IQCH: variants seen among roughly 807,000 people sequenced by gnomAD.
IQCH encodes the protein IQ domain-containing protein H.
A neutral mutation model predicts 117.0 loss-of-function variants in IQCH; 98 were observed. The ratio of observed to expected loss-of-function variants is 0.84; its 90% confidence interval spans 0.71 to 0.99. The LOEUF is 0.99. IQCH is among the 50% of genes least tolerant of loss of function. The pLI is 0.00. For missense variants in IQCH, 1,102 were observed against 1,243.8 expected, an observed-to-expected ratio of 0.89 and a Z score of 1.72; for synonymous variants, 412 against 448.2, an observed-to-expected ratio of 0.92 and a Z score of 1.02.
chr15:67,334,745 C>A (rs777906206), intron 4 of IQCH, among the ~76,000 whole-genome samples: 1 of 152,160 alleles, frequency 6.6e-6, no homozygotes, highest in African/African-American at 2.4e-5. Context: ...GGCTGAGAGT[C>A]GCTGCAAAGC....
Position 67,400,244 on chromosome 15 carries a change from A to G in IQCH, c.2036A>G (p.Lys679Arg), listed in dbSNP as rs2140866524. 6.2e-7 allele frequency: 1 copy of G among 1,613,736 alleles called. No individual in the cohort carries two copies. Among genetic ancestry groups the G allele is most frequent in the East Asian group, 2.2e-5 (1 of 44,814 alleles). Residue 679 changes from lysine to arginine, a missense_variant, in exon 14 of 21, where the codon AAA (lysine) becomes AGA (arginine). Physicochemically the swap from Lys to Arg is conservative, Grantham distance 26. This residue lies in a region of IQCH where 650 missense variants were observed against 794.3 expected (regional missense o/e 0.82). Transcript: ENST00000335894. ...CDIPSYLKCY[K>R]WVLKESSRYG... ...ATTCCTTCCTACCTAAAGTGCTACA[A>G]ATGGGTGCTAAAGGAGAGTAGCAGA...
At chr15:67,344,216 C>A in intron 6 of IQCH, 25 bp downstream of exon 6, 1 of 1,606,240 alleles carries the variant, frequency 6.2e-7, no homozygotes, top group South Asian at 1.1e-5. Flanking sequence ...CATCTCAGTT[C>A]AGTTGGGGAC....
chr15:67,372,232 G>A lies in IQCH; in HGVS notation c.875G>A (p.Ser292Asn). Reference sequence around the variant, plus strand: ...TTCTTAGCATTCAAGGAACATTTTAGCTTAGCTTGGGGAGGTATTTTTTCT... The same window carrying A: ...TTCTTAGCATTCAAGGAACATTTTAACTTAGCTTGGGGAGGTATTTTTTCT... ...PDFLAFKEHF[S>N]LAWGGIFSLL... The change falls in exon 9 of 21, where the codon AGC becomes AAC. Residue 292 changes from serine to asparagine, a missense_variant. Ser to Asn is a conservative substitution (Grantham distance 46, BLOSUM62 1). Around this residue, in one of 2 missense-constraint regions of IQCH, gnomAD observed 452 missense variants for 449.6 expected, o/e 1.01. Transcript: ENST00000335894. 6.2e-7 allele frequency: 1 copy of A among 1,614,034 alleles called. No individual in the cohort carries two copies. Among genetic ancestry groups the A allele is most frequent in the Non-Finnish European group, 8.5e-7 (1 of 1,179,980 alleles).
intron 6 of IQCH, among the ~76,000 whole-genome samples, chr15:67,345,403 C>T (rs138418712): frequency 5.3e-5 from 8 of 152,182 alleles, no homozygotes; most frequent in East Asian, 3.9e-4. Flanking sequence ...AAATAGAGTA[C>T]GGAAAGAAGA....
chr15:67,442,817 G>GAGATAGATAGATAGATAGAT (rs201394285), intron 16 of IQCH, among the ~76,000 whole-genome samples: 7 of 138,174 alleles, frequency 5.1e-5, no homozygotes, highest in Admixed American at 2.2e-4. Flanking sequence ...AAGAAACTGT[G>GAGATAGATAGATAGATAGAT]AGATAGATAG....
intron 4 of IQCH, among the ~76,000 whole-genome samples, chr15:67,285,599 T>G (rs1481590119): frequency 6.6e-6 from 1 of 152,184 alleles, no homozygotes; most frequent in Non-Finnish European, 1.5e-5. Context: ...TACATTTAAG[T>G]CTTTAATCCA....
chr15:67,363,880 A>G (rs1970238715), intron 8 of IQCH, among the ~76,000 whole-genome samples: 1 of 152,240 alleles, frequency 6.6e-6, no homozygotes, highest in Non-Finnish European at 1.5e-5. Flanking sequence ...TTCAAATAAC[A>G]TGACCTCTTT....
intron 8 of IQCH, among the ~76,000 whole-genome samples, chr15:67,367,049 A>G (rs567356099): frequency 6.6e-6 from 1 of 152,254 alleles, no homozygotes; most frequent in East Asian, 1.9e-4. Flanking sequence ...GGCGTAGGGT[A>G]TCAAAATTAG....
Position 67,391,024 on chromosome 15 carries a change from G to C in IQCH, c.1632+2018G>C, listed in dbSNP as rs972351165. 6.6e-6 allele frequency among the ~76,000 whole-genome samples: 1 copy of C among 152,092 alleles called. No individual in the cohort carries two copies. Among genetic ancestry groups the C allele is most frequent in the East Asian group, 1.9e-4 (1 of 5,186 alleles). On this transcript the variant is annotated intron_variant, in intron 12 of 20. Coordinates refer to ENST00000335894, the MANE Select transcript of IQCH (RefSeq NM_001031715.3). The surrounding 1 kb of genome is among the most constrained non-coding windows in gnomAD (Gnocchi z 4.3). ...AGCCCCCTTACTTCTCTGGTCCTCT[G>C]GTCCTCATCTATAAAATGAGATCCT...
chr15:67,387,148 T>G lies in IQCH; in HGVS notation c.1457-1683T>G, dbSNP rs1022982458. Among the ~76,000 whole-genome samples the G allele has an allele frequency of 6.6e-6, 1 of 152,192 alleles. No individual in the cohort carries two copies. The highest frequency in any genetic ancestry group is 2.4e-5 in the African/African-American group (1 of 41,452). On this transcript the variant is annotated intron_variant, in intron 11 of 20. Transcript: ENST00000335894. This position sits in a 1 kb window ranked among gnomAD's most constrained non-coding sequence, Gnocchi z 4.8. ...GACTTAAGATGACTAATTTGATGATTCAGCAATTGGATGCAAGTTATTTAC... is the reference window on the plus strand; with the variant it reads ...GACTTAAGATGACTAATTTGATGATGCAGCAATTGGATGCAAGTTATTTAC...
chr15:67,465,741 G>A lies in IQCH; in HGVS notation c.2676+444G>A, dbSNP rs926634596. Among the ~76,000 whole-genome samples, 3 of 152,098 alleles carry A rather than the reference G, an allele frequency of 2.0e-5. No individual in the cohort carries two copies. The highest frequency in any genetic ancestry group is 4.4e-5 in the Non-Finnish European group (3 of 68,020). ...TGTCTTTCTTCCTCCTGTACTTCCT[G>A]TTAGTGGATCAGGCCAGAGGCTGAT... On this transcript the variant is annotated intron_variant, in intron 17 of 20. Coordinates refer to ENST00000335894, the MANE Select transcript of IQCH (RefSeq NM_001031715.3). The surrounding 1 kb of genome is among the most constrained non-coding windows in gnomAD (Gnocchi z 5.9).
Position 67,500,718 on chromosome 15 carries a change from A to G in IQCH, c.3056A>G (p.Asp1019Gly), listed in dbSNP as rs773451677. 9 of 1,595,422 alleles carry G rather than the reference A, an allele frequency of 5.6e-6. No individual in the cohort carries two copies. The highest frequency in any genetic ancestry group is 7.7e-6 in the Non-Finnish European group (9 of 1,165,804). The change falls in exon 21 of 21, where the codon GAT (aspartate) becomes GGT (glycine). Residue 1019 changes from aspartate (D) to glycine (G), a missense_variant. Around this residue, in one of 2 missense-constraint regions of IQCH, gnomAD observed 650 missense variants for 794.3 expected, o/e 0.82. Transcript: ENST00000335894. This position sits in a 1 kb window ranked among gnomAD's most constrained non-coding sequence, Gnocchi z 4.4. ...GAAGAGGAGCAACAGTCCAAAGATGATAAAAACCTCTCTAAACCCAAGAAA... is the reference window on the plus strand; with the variant it reads ...GAAGAGGAGCAACAGTCCAAAGATGGTAAAAACCTCTCTAAACCCAAGAAA... ...RFEEEQQSKD[D>G]KNLSKPKK is the part of the protein sequence containing the mutation.
At position 67,466,148 on chromosome 15, in the gene IQCH, G is replaced by C. The variant is rs1401052455; in HGVS notation, c.2676+851G>C. Among the ~76,000 whole-genome samples, 1 of 152,188 alleles carries C rather than the reference G, an allele frequency of 6.6e-6. No individual in the cohort carries two copies. The highest frequency in any genetic ancestry group is 1.5e-5 in the Non-Finnish European group (1 of 68,034). On this transcript the variant is annotated intron_variant, in intron 17 of 20. Coordinates refer to ENST00000335894, the MANE Select transcript of IQCH (RefSeq NM_001031715.3). This position sits in a 1 kb window ranked among gnomAD's most constrained non-coding sequence, Gnocchi z 4.4. ...GCTAGCTCCATCAGTGAGGGGGCTG[G>C]GGCCAGAGTCCTGGGGCTGGCTGCG...
At chr15:67,492,515 C>A (rs138253768) in intron 19 of IQCH, among the ~76,000 whole-genome samples, 1 of 152,308 alleles carries the variant, frequency 6.6e-6, no homozygotes, top group East Asian at 1.9e-4. Context: ...CTCATACCAT[C>A]AGGAAAAGTT....
rs200615532 is a variant in IQCH at position 67,395,435 on chromosome 15, A to G, written c.1777A>G (p.Ile593Val). 20 of 1,614,100 alleles carry G rather than the reference A, an allele frequency of 1.2e-5. No homozygotes were observed. The highest frequency in any genetic ancestry group is 2.5e-6 in the Non-Finnish European group (3 of 1,179,982). Residue 593 changes from isoleucine (I) to valine (V), a missense_variant, in exon 13 of 21, where the codon ATA becomes GTA. By Grantham distance (29) the Ile-to-Val change is conservative. Around this residue, in one of 2 missense-constraint regions of IQCH, gnomAD observed 650 missense variants for 794.3 expected, o/e 0.82. Transcript: ENST00000335894. This position sits in a 1 kb window ranked among gnomAD's most constrained non-coding sequence, Gnocchi z 4.0. ...TTTAGCTGTGGCCGATATGTTAGAC[A>G]TACCCATCCTGGGCTCTGAGCCTGA... ...DDLAVADMLD[I>V]PILGSEPELA... is the part of the protein sequence containing the mutation.
intron 4 of IQCH, chr15:67,281,891 T>C (rs1966375399): frequency 5.0e-6 from 2 of 401,706 alleles, no homozygotes; most frequent in South Asian, 1.8e-5. Flanking sequence ...ATGTAAAATA[T>C]CAGTTCAGGC....
chr15:67,434,253 C>G (rs190936873), intron 16 of IQCH, among the ~76,000 whole-genome samples: 1 of 152,224 alleles, frequency 6.6e-6, no homozygotes, highest in Admixed American at 6.5e-5. Flanking sequence ...CCTTCCGACC[C>G]CTGGTAATCA....
chr15:67,451,917 G>A (rs541601142), intron 16 of IQCH, among the ~76,000 whole-genome samples: 117 of 152,274 alleles, frequency 7.7e-4, no homozygotes, highest in African/African-American at 2.8e-3. Context: ...CCTGTATTGG[G>A]TGCATATATA....
chr15:67,347,898 T>C (rs116254065), intron 6 of IQCH, among the ~76,000 whole-genome samples: 1 of 147,738 alleles, frequency 6.8e-6, no homozygotes, highest in Non-Finnish European at 1.5e-5. Context: ...TGTTTATATA[T>C]ATAGAGAGAG....
Sources: allele counts gnomAD v4.1 joint callset (sites outside exome capture counted in the v4.1 genomes callset), GRCh38; gene constraint gnomAD v4.1.1; regional missense constraint gnomAD v4.1.1; non-coding constraint Gnocchi (gnomAD v3.1); transcripts MANE v1.5; gene names NCBI Gene and HGNC (gene_info 2026-07-23, HGNC 2026-07-21).